CA10: variants seen among roughly 807,000 people sequenced by gnomAD.
CA10 encodes the protein carbonic anhydrase-related protein 10.
A neutral mutation model predicts 44.2 loss-of-function variants in CA10; 14 were observed. The ratio of observed to expected loss-of-function variants is 0.32; its 90% CI spans 0.21 to 0.50. The LOEUF (loss-of-function observed/expected upper bound fraction) is 0.50. Among genes scored for constraint, CA10 ranks in the 20% least tolerant of loss-of-function variants. CA10 has a pLI of 0.99. For missense variants in CA10, 350 were observed against 409.7 expected, an observed-to-expected ratio of 0.85 and a Z score of 1.26; for synonymous variants, 159 against 141.6, an observed-to-expected ratio of 1.12 and a Z score of -0.87.
At chr17:51,651,842 G>C (rs1195541145) in intron 5 of CA10, among the ~76,000 whole-genome samples, 4 of 152,172 alleles carry the variant, frequency 2.6e-5, no homozygotes, top group Non-Finnish European at 5.9e-5. Context: ...ATTTGTGCTG[G>C]GAAAGTCATA....
intron 3 of CA10, among the ~76,000 whole-genome samples, chr17:51,900,072 G>A (rs1314783548): frequency 6.6e-6 from 1 of 151,452 alleles, no homozygotes; most frequent in East Asian, 1.9e-4. Context: ...TCCTGGCTTT[G>A]TGTCACTAGC....
chr17:51,786,798 A>G (rs1254729640), intron 3 of CA10, among the ~76,000 whole-genome samples: 2 of 152,138 alleles, frequency 1.3e-5, no homozygotes, highest in African/African-American at 4.8e-5. Context: ...TCAGTATGAT[A>G]CTAGATGTGG....
intron 2 of CA10, among the ~76,000 whole-genome samples, chr17:52,024,813 G>A (rs1986248904): frequency 6.6e-6 from 1 of 151,930 alleles, no homozygotes; most frequent in Admixed American, 6.6e-5. Flanking sequence ...CTTATTCAGG[G>A]TAATTGCTTA....
At chr17:52,153,024 T>G (rs139349589) in intron 1 of CA10, among the ~76,000 whole-genome samples, 34 of 152,266 alleles carry the variant, frequency 2.2e-4, no homozygotes, top group Middle Eastern at 3.4e-3. Context: ...CTTTTTGACC[T>G]TAGTCCCAAG....
At chr17:51,668,548 G>C (rs934180813) in intron 4 of CA10, among the ~76,000 whole-genome samples, 9 of 152,180 alleles carry the variant, frequency 5.9e-5, no homozygotes, top group Non-Finnish European at 1.2e-4. Flanking sequence ...GTCTAATTTC[G>C]ATCTGTAGAC....
intron 2 of CA10, among the ~76,000 whole-genome samples, chr17:52,000,836 T>A (rs533642878): frequency 6.6e-6 from 1 of 151,662 alleles, no homozygotes; most frequent in Non-Finnish European, 1.5e-5. Flanking sequence ...AGAGGTTAAG[T>A]TATCTCTATG....
chr17:52,066,371 G>T (rs527885116), intron 2 of CA10, among the ~76,000 whole-genome samples: 1 of 152,194 alleles, frequency 6.6e-6, no homozygotes, highest in Non-Finnish European at 1.5e-5. Context: ...CTCAGATGGT[G>T]ATACGGTTTG....
chr17:51,727,858 G>T (rs989619636), intron 4 of CA10, among the ~76,000 whole-genome samples: 3 of 151,794 alleles, frequency 2.0e-5, no homozygotes, highest in Admixed American at 1.3e-4. Context: ...AAAAATAAAA[G>T]ACTTTTGCAG....
At chr17:51,757,026 C>G (rs991112457) in intron 3 of CA10, among the ~76,000 whole-genome samples, 3 of 152,110 alleles carry the variant, frequency 2.0e-5, no homozygotes, top group African/African-American at 7.2e-5. Context: ...GAAGAAGATT[C>G]AACGGCCGTG....
At chr17:51,849,237 A>G (rs1427004896) in intron 3 of CA10, among the ~76,000 whole-genome samples, 59 of 109,670 alleles carry the variant, frequency 5.4e-4, no homozygotes, top group Middle Eastern at 4.9e-3. Flanking sequence ...GTGTGTGTAT[A>G]TATATATATA....
At chr17:52,107,154 G>T (rs755639514) in intron 1 of CA10, among the ~76,000 whole-genome samples, 39 of 152,130 alleles carry the variant, frequency 2.6e-4, no homozygotes, top group Admixed American at 2.5e-3. Flanking sequence ...CAGGCACAAG[G>T]CCCCTTTTTA....
intron 3 of CA10, among the ~76,000 whole-genome samples, chr17:51,756,938 G>A (rs796160436): frequency 3.3e-5 from 5 of 152,324 alleles, no homozygotes; most frequent in African/African-American, 1.2e-4. Flanking sequence ...GGAGTTGAGA[G>A]ATGGGTCATA....
At chr17:51,857,259 G>A (rs890911396) in intron 3 of CA10, among the ~76,000 whole-genome samples, 2 of 152,146 alleles carry the variant, frequency 1.3e-5, no homozygotes, top group Non-Finnish European at 1.5e-5. Context: ...TTATTATCCC[G>A]TTTTACAGAT....
chr17:51,973,515 T>G (rs1984356221), intron 2 of CA10, among the ~76,000 whole-genome samples: 1 of 152,204 alleles, frequency 6.6e-6, no homozygotes, highest in Non-Finnish European at 1.5e-5. Flanking sequence ...TGGGGAATTG[T>G]GAGCTGAATA....
intron 4 of CA10, among the ~76,000 whole-genome samples, chr17:51,726,534 C>T (rs1018516784): frequency 2.6e-5 from 4 of 152,138 alleles, no homozygotes; most frequent in Non-Finnish European, 4.4e-5. Context: ...TATTTCAAAA[C>T]ATGTTATACA....
intron 3 of CA10, among the ~76,000 whole-genome samples, chr17:51,895,841 T>A (rs899005336): frequency 3.9e-5 from 6 of 152,052 alleles, no homozygotes; most frequent in Admixed American, 3.3e-4. Context: ...AGTTTAAGGA[T>A]GTTCACTAGC....
rs73987142 is a variant in CA10, at chr17:51,666,832, G to T, written c.466-13096C>A. Among the ~76,000 whole-genome samples, 1,150 of 152,232 alleles carry T rather than the reference G, an allele frequency of 7.6e-3. 12 individuals carry two copies. The highest frequency in any genetic ancestry group is 0.026 in the African/African-American group (1,088 of 41,528). ...CAGGGAATAGGAGATCCCAACACAG[G>T]CTTCTGAAAAATTGGGAAAAGCACC... On this transcript the variant is annotated intron_variant, in intron 4 of 8. Coordinates refer to ENST00000451037, the MANE Select transcript of CA10 (RefSeq NM_020178.5).
intron 2 of CA10, among the ~76,000 whole-genome samples, chr17:51,944,377 A>G (rs781033699): frequency 1.3e-5 from 2 of 152,134 alleles, no homozygotes; most frequent in Non-Finnish European, 2.9e-5. Flanking sequence ...CTGCCCCTCA[A>G]TGGCCTACCT....
At chr17:52,038,290 C>T (rs900249357) in intron 2 of CA10, among the ~76,000 whole-genome samples, 3 of 152,256 alleles carry the variant, frequency 2.0e-5, no homozygotes, top group African/African-American at 7.2e-5. Flanking sequence ...CTACTAGGCA[C>T]ACTTGTCAAA....
Sources: gnomAD v4.1 joint callset for allele counts (sites outside exome capture counted in the v4.1 genomes callset) on GRCh38, gnomAD v4.1.1 for gene constraint, MANE v1.5 for transcripts, NCBI Gene and HGNC (gene_info 2026-07-23, HGNC 2026-07-21) for gene names.